The following TMTC2 variants were observed in gnomAD, a reference collection of about 807,000 sequenced individuals.
TMTC2 encodes protein O-mannosyl-transferase TMTC2.
Under a neutral mutation model 82.4 loss-of-function variants are expected in TMTC2, and 43 were observed. The observed-to-expected ratio is 0.52, with a 90% CI of 0.41 to 0.67. The LOEUF is 0.67. Ranked by LOEUF, TMTC2 falls within the 30% of genes least tolerant of loss-of-function variation. TMTC2 has a pLI of 0.00. For synonymous variants in TMTC2, 408 were observed against 381.9 expected (o/e 1.07, Z -0.80); for missense variants, 919 against 1,012.4 (o/e 0.91, Z 1.25).
Position 83,012,271 on chromosome 12 carries a change from T to G in TMTC2, c.2071-18527T>G, listed in dbSNP as rs575492431. ...TAGTGTTACATGGTGGACAAAAAAA[T>G]GAGAGAAGAAAAAAATAAATATTAA... On this transcript the variant is annotated intron_variant, in intron 8 of 11. Transcript: ENST00000321196. Among the ~76,000 whole-genome samples, 6 of 151,762 alleles carry G rather than the reference T, an allele frequency of 4.0e-5. No individual in the cohort carries two copies. The South Asian group carries it at 1.2e-3, about 32-fold the overall frequency.
rs764403350 is a variant in TMTC2 at position 83,030,838 on chromosome 12, T to C, written c.2111T>C (p.Ile704Thr). The C allele has an allele frequency of 1.9e-6, 3 of 1,613,806 alleles. No homozygotes were observed. Among genetic ancestry groups the C allele is most frequent in the Non-Finnish European group, 2.5e-6 (3 of 1,179,742 alleles). Reference protein sequence around the residue: ...SEAEKLFLKAIELDPTKGNCY... With the variant: ...SEAEKLFLKATELDPTKGNCY... ...GCTGAAAAGCTCTTCTTGAAGGCTA[T>C]TGAGCTGGATCCCACCAAAGGAAAC... The change falls in exon 9 of 12, where the codon ATT (isoleucine) becomes ACT (threonine). Residue 704 changes from isoleucine (I) to threonine (T), a missense_variant. By Grantham distance (89) the Ile-to-Thr change is moderately conservative (BLOSUM62 -1). Transcript: ENST00000321196.
At chr12:82,877,543 G>A (rs1872643154) in intron 2 of TMTC2, among the ~76,000 whole-genome samples, 4 of 152,122 alleles carry the variant, frequency 2.6e-5, no homozygotes, top group Admixed American at 2.6e-4. Flanking sequence ...GAACATGCAA[G>A]TCTAACAATT....
chr12:82,804,131 G>A (rs185351035), intron 1 of TMTC2, among the ~76,000 whole-genome samples: 4 of 152,248 alleles, frequency 2.6e-5, no homozygotes, highest in Admixed American at 2.0e-4. Flanking sequence ...AAAGAAGAGA[G>A]TAATGAGCTT....
At chr12:82,893,397 A>AAAG (rs1873501201) in intron 2 of TMTC2, among the ~76,000 whole-genome samples, 1 of 151,798 alleles carries the variant, frequency 6.6e-6, no homozygotes, top group Non-Finnish European at 1.5e-5. Context: ...AAAGAAAAGA[A>AAAG]AAGAAAAAAG....
rs528407485 is a variant in TMTC2 at position 82,699,389 on chromosome 12, G to A, written c.83+11720G>A. Among the ~76,000 whole-genome samples the A allele has an allele frequency of 4.6e-5, 7 of 152,206 alleles. 1 individual carries two copies. The South Asian group carries it at 1.2e-3, about 27-fold the overall frequency. Reference sequence around the variant, plus strand: ...AACCTGAGTACTTCTTTCCTTCTGCGGAGTAAACCGACCAATTACAGTGCA... The same window carrying A: ...AACCTGAGTACTTCTTTCCTTCTGCAGAGTAAACCGACCAATTACAGTGCA... On this transcript the variant is annotated intron_variant, in intron 1 of 11. Transcript: ENST00000321196.
chr12:82,876,478 C>T (rs1055464872), intron 2 of TMTC2, among the ~76,000 whole-genome samples: 18 of 152,038 alleles, frequency 1.2e-4, no homozygotes, highest in African/African-American at 4.3e-4. Context: ...AAATGAAGAA[C>T]ACATAGGGTG....
chr12:82,762,561 T>G (rs1457366668), intron 1 of TMTC2, among the ~76,000 whole-genome samples: 1 of 152,086 alleles, frequency 6.6e-6, no homozygotes, highest in African/African-American at 2.4e-5. Flanking sequence ...ATATAAGAGA[T>G]AAAGAAGAGA....
At chr12:83,099,737 C>T (rs1011048909) in intron 11 of TMTC2, among the ~76,000 whole-genome samples, 47 of 150,190 alleles carry the variant, frequency 3.1e-4, no homozygotes, top group Admixed American at 4.6e-4. Context: ...TTTTTTTTAA[C>T]GTTGCTTTTC....
At chr12:83,057,517 T>C (rs1311466927) in intron 10 of TMTC2, among the ~76,000 whole-genome samples, 1 of 151,974 alleles carries the variant, frequency 6.6e-6, no homozygotes. Context: ...GGTTTCACTA[T>C]TTTAAGATCT....
Position 83,132,682 on chromosome 12 carries a change from G to GT in TMTC2, c.*294dup, listed in dbSNP as rs1180446590. On this transcript the variant is annotated 3_prime_UTR_variant, in exon 12 of 12. Coordinates refer to ENST00000321196, the MANE Select transcript of TMTC2 (RefSeq NM_152588.3). ...TTCTTAAAAAGGGAGGGGTGGGTGT[G>GT]TAAGTCACAGATTTTGTTCATTTTC... 3.2e-6 allele frequency: 1 copy of GT among 317,342 alleles called. No individual in the cohort carries two copies. Among genetic ancestry groups the GT allele is most frequent in the African/African-American group, 2.2e-5 (1 of 45,430 alleles). 19.7% of individuals were successfully genotyped at this position (317,342 alleles called of 1,614,324 possible).
rs528076999 is a variant in TMTC2 at position 83,004,722 on chromosome 12, A to ATTT, written c.2070+18719_2070+18721dup. Among the ~76,000 whole-genome samples, 113 of 36,030 alleles carry ATTT rather than the reference A, an allele frequency of 3.1e-3. 30 individuals are homozygous for ATTT. Among genetic ancestry groups the ATTT allele is most frequent in the Non-Finnish European group, 4.6e-3 (88 of 18,964 alleles). 23.6% of individuals were successfully genotyped at this position (36,030 alleles called of 152,430 possible). ...TTCACAGGCAGTGTATACTGGCCGA[A>ATTT]TTTTTTTTTTTTTTTTTTTTTTTTT... On this transcript the variant is annotated intron_variant, in intron 8 of 11. Transcript: ENST00000321196.
intron 4 of TMTC2, among the ~76,000 whole-genome samples, chr12:82,944,554 G>A (rs1565821520): frequency 1.4e-5 from 2 of 140,256 alleles, no homozygotes; most frequent in Non-Finnish European, 1.5e-5. Flanking sequence ...TCCAGCCTGG[G>A]TGACAGTCTC....
At chr12:82,712,881 G>C (rs1873698152) in intron 1 of TMTC2, among the ~76,000 whole-genome samples, 1 of 152,136 alleles carries the variant, frequency 6.6e-6, no homozygotes, top group Non-Finnish European at 1.5e-5. Flanking sequence ...AGTAGGGGGA[G>C]ACCAGGTGGG....
At chr12:82,905,174 TC>T (rs1449802857) in intron 3 of TMTC2, among the ~76,000 whole-genome samples, 1 of 152,162 alleles carries the variant, frequency 6.6e-6, no homozygotes, top group Non-Finnish European at 1.5e-5. Context: ...TCACCTCTCT[TC>T]CCTGAAATCA....
intron 1 of TMTC2, among the ~76,000 whole-genome samples, chr12:82,769,736 G>T (rs1307498153): frequency 6.6e-6 from 1 of 152,052 alleles, no homozygotes; most frequent in Non-Finnish European, 1.5e-5. Flanking sequence ...TCAGCCTCCT[G>T]TGTAGCTGGG....
intron 1 of TMTC2, among the ~76,000 whole-genome samples, chr12:82,853,647 T>C (rs1318132875): frequency 6.6e-6 from 1 of 152,168 alleles, no homozygotes; most frequent in Non-Finnish European, 1.5e-5. Flanking sequence ...AAATCCAGGT[T>C]TGGAAAAGAT....
rs1871308505 is a variant in TMTC2 at position 82,857,304 on chromosome 12, C to T, written c.378C>T (p.His126=). Residue 126 remains histidine (H), a synonymous_variant, in exon 2 of 12, where the codon CAC becomes CAT. Coordinates refer to ENST00000321196, the MANE Select transcript of TMTC2 (RefSeq NM_152588.3). ...TFMAGLMFAS[H]PIHTEAVAGI... ...TGGCTGGCTTGATGTTTGCTTCTCA[C>T]CCCATTCACACGGAGGCAGTGGCAG... 1 of 1,614,206 alleles carries T rather than the reference C, an allele frequency of 6.2e-7. No homozygotes were observed. Among genetic ancestry groups the T allele is most frequent in the Non-Finnish European group, 8.5e-7 (1 of 1,180,048 alleles).
intron 4 of TMTC2, among the ~76,000 whole-genome samples, chr12:82,954,116 A>G (rs952776858): frequency 5.9e-5 from 9 of 152,268 alleles, no homozygotes; most frequent in African/African-American, 2.2e-4. Context: ...TTAGTTTCCC[A>G]GATGCTTCCT....
chr12:82,987,484 C>T (rs1879207361), intron 8 of TMTC2, among the ~76,000 whole-genome samples: 2 of 137,092 alleles, frequency 1.5e-5, no homozygotes, highest in South Asian at 4.8e-4. Flanking sequence ...AACCAGAAAA[C>T]ATCCCACTAA....
Sources: allele counts gnomAD v4.1 joint callset (sites outside exome capture counted in the v4.1 genomes callset), GRCh38; gene constraint gnomAD v4.1.1; transcripts MANE v1.5; gene names NCBI Gene and HGNC (gene_info 2026-07-23, HGNC 2026-07-21).